The following PAN3 variants were observed in gnomAD, a reference collection of about 807,000 sequenced individuals.
The protein encoded by PAN3 is PAN2-PAN3 deadenylation complex subunit PAN3.
Under a neutral mutation model 96.2 loss-of-function variants are expected in PAN3, and 19 were observed. The observed-to-expected ratio is 0.20, with a 90% CI of 0.14 to 0.29. The LOEUF is 0.29. PAN3 is among the 10% of genes least tolerant of loss of function. The pLI, the probability that PAN3 is intolerant of heterozygous loss-of-function variation, is 1.00. For missense variants in PAN3, 882 were observed against 1,108.1 expected (o/e 0.80, Z 2.90); for synonymous variants, 433 against 406.6 (o/e 1.06, Z -0.78).
intron 6 of PAN3, among the ~76,000 whole-genome samples, chr13:28,247,166 T>G (rs1336160243): frequency 6.6e-6 from 1 of 150,654 alleles, no homozygotes; most frequent in Non-Finnish European, 1.5e-5. Context: ...TCCCTGGTGA[T>G]TAATAATGCT....
chr13:28,234,589 A>G (rs1208005015), intron 6 of PAN3, among the ~76,000 whole-genome samples: 2 of 152,150 alleles, frequency 1.3e-5, no homozygotes, highest in East Asian at 1.9e-4. Flanking sequence ...GCCTTAGGAA[A>G]GTATGTCCTA....
At chr13:28,223,283 A>G (rs1881595784) in intron 6 of PAN3, among the ~76,000 whole-genome samples, 2 of 152,222 alleles carry the variant, frequency 1.3e-5, no homozygotes, top group South Asian at 2.1e-4. Flanking sequence ...ATCAAATTGT[A>G]TACACACTCA....
At chr13:28,138,432 A>G (rs1349243042), upstream of PAN3, 8 of 293,484 alleles carry the variant, frequency 2.7e-5, no homozygotes, top group East Asian at 4.0e-4. Flanking sequence ...CGAGAGAGTG[A>G]GTGAGAGAAT....
chr13:28,228,356 G>C (rs1882214080), intron 6 of PAN3, among the ~76,000 whole-genome samples: 1 of 152,132 alleles, frequency 6.6e-6, no homozygotes. Context: ...TTAGTAAAAG[G>C]AGAGGAATTA....
intron 6 of PAN3, among the ~76,000 whole-genome samples, chr13:28,243,423 A>G (rs1883865937): frequency 6.6e-6 from 1 of 152,172 alleles, no homozygotes; most frequent in Admixed American, 6.5e-5. Flanking sequence ...CTTTTATGGA[A>G]TTCACAGCTT....
intron 15 of PAN3, among the ~76,000 whole-genome samples, chr13:28,277,708 G>C (rs1593623680): frequency 6.6e-6 from 1 of 152,206 alleles, no homozygotes; most frequent in Non-Finnish European, 1.5e-5. Context: ...CAAGAGCTCA[G>C]CAGCCACATG....
At chr13:28,209,964 G>A (rs1056573928) in intron 5 of PAN3, among the ~76,000 whole-genome samples, 2 of 152,002 alleles carry the variant, frequency 1.3e-5, no homozygotes, top group African/African-American at 4.8e-5. Flanking sequence ...TTAATTTTTA[G>A]TAGAGATGGG....
chr13:28,288,098 T>C lies in PAN3; in HGVS notation c.2499T>C (p.Ser833=). The C allele has an allele frequency of 6.2e-7, 1 of 1,607,340 alleles. No homozygotes were observed. Residue 833 remains serine, a synonymous_variant, in exon 18 of 19, where the codon AGT becomes AGC. Transcript: ENST00000380958. ...CAGGTGCTCCCTGGATTGACCTCAG[T>C]CATATAATTTCTTGTCTTAACAAGG... ...TEAGAPWIDL[S]HIISCLNKLD... is the part of the protein sequence containing the mutation.
chr13:28,204,798 G>A (rs570108113), intron 5 of PAN3, among the ~76,000 whole-genome samples: 32 of 152,242 alleles, frequency 2.1e-4, no homozygotes, highest in Non-Finnish European at 2.9e-4. Context: ...ATAAAATCAC[G>A]CTAATTTTGT....
Position 28,197,055 on chromosome 13 carries a change from T to C in PAN3, c.691-130T>C, listed in dbSNP as rs572730900. Reference sequence around the variant, plus strand: ...AGGTGGTGGGTGGTGGTAAGGATATTAGAAGGAGTGTTTTAGAAACTTGTT... The same window carrying C: ...AGGTGGTGGGTGGTGGTAAGGATATCAGAAGGAGTGTTTTAGAAACTTGTT... On this transcript the variant is annotated intron_variant, in intron 4 of 18. Coordinates refer to ENST00000380958, the MANE Select transcript of PAN3 (RefSeq NM_175854.8). 16 of 1,153,072 alleles carry C rather than the reference T, an allele frequency of 1.4e-5. No individual in the cohort carries two copies. In the East Asian group the frequency reaches 4.3e-4, roughly 31 times the overall value. The allele number at this position is 1,153,072 out of a possible 1,614,324, so 71.4% of individuals were successfully genotyped here.
chr13:28,143,930 A>G (rs1303511848), intron 1 of PAN3, among the ~76,000 whole-genome samples: 1 of 152,176 alleles, frequency 6.6e-6, no homozygotes, highest in East Asian at 1.9e-4. Context: ...CCACAAACCT[A>G]TACTAAGTGA....
At chr13:28,153,219 T>C (rs1259780212) in intron 1 of PAN3, among the ~76,000 whole-genome samples, 2 of 150,514 alleles carry the variant, frequency 1.3e-5, no homozygotes, top group Non-Finnish European at 3.0e-5. Context: ...GTTACAAAAC[T>C]ATGTATAATA....
chr13:28,257,019 G>C (rs1415016676), intron 7 of PAN3, among the ~76,000 whole-genome samples: 1 of 152,114 alleles, frequency 6.6e-6, no homozygotes, highest in African/African-American at 2.4e-5. Flanking sequence ...TAATGATAAG[G>C]GGCCTGCAGT....
chr13:28,256,302 G>A lies in PAN3; in HGVS notation c.1011G>A (p.Leu337=). The change falls in exon 7 of 19, where the codon TTG becomes TTA. Residue 337 remains leucine, a synonymous_variant. Transcript: ENST00000380958. ...ATAGLAPGMS[L]SAGSSPLHSP... ...TTACATCTTCTTCAGGAATGTCGTT[G>A]TCTGCTGGGTCTTCCCCTCTTCATT... 1 of 1,612,834 alleles carries A rather than the reference G, an allele frequency of 6.2e-7. No individual in the cohort carries two copies. Among genetic ancestry groups the A allele is most frequent in the Non-Finnish European group, 8.5e-7 (1 of 1,179,382 alleles).
intron 5 of PAN3, among the ~76,000 whole-genome samples, chr13:28,198,593 G>A (rs1490435202): frequency 6.6e-6 from 1 of 152,000 alleles, no homozygotes; most frequent in East Asian, 1.9e-4. Context: ...AAATTTATAT[G>A]CCATTTTAAT....
chr13:28,233,190 A>T (rs1422546772), intron 6 of PAN3, among the ~76,000 whole-genome samples: 1 of 152,134 alleles, frequency 6.6e-6, no homozygotes, highest in Admixed American at 6.6e-5. Flanking sequence ...AAATTATGTT[A>T]AAAACCTCAT....
At chr13:28,247,264 T>C (rs1884283673) in intron 6 of PAN3, among the ~76,000 whole-genome samples, 1 of 152,114 alleles carries the variant, frequency 6.6e-6, no homozygotes, top group Non-Finnish European at 1.5e-5. Flanking sequence ...AATCAGACTA[T>C]TTGGATTTAT....
At chr13:28,247,120 G>C (rs1459606627) in intron 6 of PAN3, among the ~76,000 whole-genome samples, 3 of 151,910 alleles carry the variant, frequency 2.0e-5, no homozygotes, top group Non-Finnish European at 4.4e-5. Context: ...ACTTTAACTG[G>C]GGTAATATGA....
chr13:28,215,929 T>C (rs925543649), intron 5 of PAN3: 11 of 1,130,168 alleles, frequency 9.7e-6, no homozygotes, highest in Non-Finnish European at 1.3e-5. Flanking sequence ...ACTCTAGTCT[T>C]AATCAGTGGT....
Sources: allele counts gnomAD v4.1 joint callset (sites outside exome capture counted in the v4.1 genomes callset), GRCh38; gene constraint gnomAD v4.1.1; transcripts MANE v1.5; gene names NCBI Gene and HGNC (gene_info 2026-07-23, HGNC 2026-07-21).